The following RPS6KC1 variants were observed in gnomAD, a reference collection of about 807,000 sequenced individuals.
The protein encoded by RPS6KC1 is ribosomal protein S6 kinase C1.
Under a neutral mutation model 103.8 loss-of-function variants are expected in RPS6KC1, and 54 were observed. The observed-to-expected ratio is 0.52, with a 90% confidence interval of 0.42 to 0.65. RPS6KC1 has a LOEUF of 0.65. RPS6KC1 is among the 30% of genes least tolerant of loss of function. RPS6KC1 has a pLI of 0.00. For missense variants in RPS6KC1, 1,151 were observed against 1,253.8 expected, an observed-to-expected ratio of 0.92 and a Z score of 1.24; for synonymous variants, 439 against 438.7, an observed-to-expected ratio of 1.00 and a Z score of -0.01.
the RPS6KC1 span, among the ~76,000 whole-genome samples, chr1:213,464,232 C>CT: frequency 6.6e-6 from 1 of 152,000 alleles, no homozygotes; most frequent in African/African-American, 2.4e-5. Flanking sequence ...AGCTTTCCAC[C>CT]TTTTTTTATG....
chr1:213,224,251 A>C (rs1416765194), intron 8 of RPS6KC1, among the ~76,000 whole-genome samples: 1 of 152,350 alleles, frequency 6.6e-6, no homozygotes, highest in South Asian at 2.1e-4. Context: ...ATAGACTCAA[A>C]CCTGTAATCA....
chr1:213,623,819 C>G, the RPS6KC1 span, among the ~76,000 whole-genome samples: 5 of 152,194 alleles, frequency 3.3e-5, no homozygotes, highest in Admixed American at 3.3e-4. Context: ...CTGCTAGCAA[C>G]ACATCCGCTG....
chr1:213,703,513 G>A, the RPS6KC1 span, among the ~76,000 whole-genome samples: 1 of 152,030 alleles, frequency 6.6e-6, no homozygotes, highest in African/African-American at 2.4e-5. Context: ...ACTCTCTTTA[G>A]CATTTCTTAT....
Position 213,245,022 on chromosome 1 carries a change from G to A in RPS6KC1, c.2911+2364G>A, listed in dbSNP as rs1398416110. ...ACCAGGTAAAACAAAACGAGTAATG[G>A]CCTTAACAGAAAAGTAATACCAGTG... On this transcript the variant is annotated intron_variant, in intron 12 of 14. Transcript: ENST00000366960. 2.0e-5 allele frequency among the ~76,000 whole-genome samples: 3 copies of A among 152,252 alleles called. No individual in the cohort carries two copies. In the South Asian group the frequency reaches 6.2e-4, roughly 32 times the overall value.
At chr1:213,557,483 G>T in the RPS6KC1 span, among the ~76,000 whole-genome samples, 121 of 152,318 alleles carry the variant, frequency 7.9e-4, no homozygotes, top group African/African-American at 2.8e-3. Flanking sequence ...AGAAGAGGCA[G>T]GATGGGACCC....
chr1:213,358,154 G>GA, the RPS6KC1 span, among the ~76,000 whole-genome samples: 86,979 of 152,020 alleles, frequency 0.57, 27,634 homozygotes, highest in East Asian at 0.93. Context: ...CTCATGAAAT[G>GA]AGTTAGGGAG....
At chr1:213,642,762 CTT>C in the RPS6KC1 span, among the ~76,000 whole-genome samples, 1 of 151,868 alleles carries the variant, frequency 6.6e-6, no homozygotes, top group African/African-American at 2.4e-5. Context: ...TTAGAACAGA[CTT>C]TTTAACTCCA....
At chr1:213,309,151 C>T in the RPS6KC1 span, among the ~76,000 whole-genome samples, 7 of 152,104 alleles carry the variant, frequency 4.6e-5, no homozygotes, top group South Asian at 4.2e-4. Context: ...AAAAATTAGC[C>T]GGGCGTGGTG....
chr1:213,668,411 A>ACCCCCC, the RPS6KC1 span, among the ~76,000 whole-genome samples: 6 of 13,486 alleles, frequency 4.4e-4, no homozygotes, highest in South Asian at 6.2e-3. Flanking sequence ...CACCACCCCC[A>ACCCCCC]CCCCCACCCC....
At chr1:213,686,026 A>T in the RPS6KC1 span, among the ~76,000 whole-genome samples, 10 of 152,096 alleles carry the variant, frequency 6.6e-5, no homozygotes. Flanking sequence ...TGGTGGCTTG[A>T]GCACCATCTT....
chr1:213,137,752 G>GCGCTCTCTCTCTCTCT (rs1553340080), intron 6 of RPS6KC1, among the ~76,000 whole-genome samples: 1 of 12,208 alleles, frequency 8.2e-5, no homozygotes, highest in Non-Finnish European at 1.9e-4. Flanking sequence ...AGTCCAGTTT[G>GCGCTCTCTCTCTCTCT]CTCTCTCTCT....
chr1:213,442,421 AATAAT>A, the RPS6KC1 span, among the ~76,000 whole-genome samples: 1 of 152,162 alleles, frequency 6.6e-6, no homozygotes, highest in Non-Finnish European at 1.5e-5. Context: ...GAGCTTTTAA[AATAAT>A]ATAGTCTAGC....
At chr1:213,664,694 C>T in the RPS6KC1 span, among the ~76,000 whole-genome samples, 6 of 152,100 alleles carry the variant, frequency 3.9e-5, no homozygotes, top group Non-Finnish European at 8.8e-5. Context: ...AAACAATGCC[C>T]CTGCCTGGTC....
the RPS6KC1 span, among the ~76,000 whole-genome samples, chr1:213,533,386 C>G: frequency 6.6e-6 from 1 of 152,092 alleles, no homozygotes; most frequent in Admixed American, 6.5e-5. Context: ...GATGGAAGGT[C>G]TTTCATGTGG....
chr1:213,299,412 T>C, the RPS6KC1 span, among the ~76,000 whole-genome samples: 1 of 151,846 alleles, frequency 6.6e-6, no homozygotes. Context: ...ATTAGCTGGG[T>C]GTGGTGGTGC....
chr1:213,403,943 C>T, the RPS6KC1 span, among the ~76,000 whole-genome samples: 71 of 152,242 alleles, frequency 4.7e-4, no homozygotes, highest in African/African-American at 1.3e-3. Flanking sequence ...TTTGGGTTCT[C>T]GTGAGGCAGA....
At chr1:213,399,674 A>G in the RPS6KC1 span, among the ~76,000 whole-genome samples, 1 of 152,026 alleles carries the variant, frequency 6.6e-6, no homozygotes, top group Non-Finnish European at 1.5e-5. Context: ...CCCGCACCAG[A>G]CCATCCTGCT....
chr1:213,161,945 A>G (rs1306723173), intron 6 of RPS6KC1, among the ~76,000 whole-genome samples: 1 of 152,216 alleles, frequency 6.6e-6, no homozygotes, highest in Non-Finnish European at 1.5e-5. Flanking sequence ...TCTCATGGCC[A>G]GTGAAAGAAT....
chr1:213,813,701 T>C, the RPS6KC1 span, among the ~76,000 whole-genome samples: 3 of 152,128 alleles, frequency 2.0e-5, no homozygotes, highest in African/African-American at 7.2e-5. Flanking sequence ...GTGGAGAATC[T>C]GTTCTGTGGT....
Sources: allele counts gnomAD v4.1 joint callset (sites outside exome capture counted in the v4.1 genomes callset), GRCh38; gene constraint gnomAD v4.1.1; transcripts MANE v1.5; gene names NCBI Gene and HGNC (gene_info 2026-07-23, HGNC 2026-07-21).